DZANK1: variants seen among roughly 807,000 people sequenced by gnomAD.
The protein encoded by DZANK1 is double zinc ribbon and ankyrin repeat-containing protein 1.
DZANK1 carries 91 observed loss-of-function variants against 94.5 expected under a neutral mutation model. The ratio of observed to expected loss-of-function variants is 0.96; its 90% confidence interval spans 0.81 to 1.15. DZANK1 has a LOEUF of 1.15. Among genes scored for constraint, DZANK1 ranks in the 50% most tolerant of loss-of-function variants. DZANK1 has a pLI of 0.00. For missense variants in DZANK1, 903 were observed against 916.4 expected, an observed-to-expected ratio of 0.99 and a Z score of 0.19; for synonymous variants, 312 against 325.3, an observed-to-expected ratio of 0.96 and a Z score of 0.44.
intron 7 of DZANK1, among the ~76,000 whole-genome samples, chr20:18,446,374 A>C (rs1469562859): frequency 6.6e-6 from 1 of 152,234 alleles, no homozygotes; most frequent in African/African-American, 2.4e-5. Context: ...TGGAAATATA[A>C]TAAAACACTT....
At chr20:18,387,388 C>A (rs2048568443) in intron 19 of DZANK1, among the ~76,000 whole-genome samples, 1 of 152,196 alleles carries the variant, frequency 6.6e-6, no homozygotes, top group Non-Finnish European at 1.5e-5. Flanking sequence ...TATTCATATA[C>A]AAACAATTCA....
chr20:18,394,434 C>T (rs768497490), intron 15 of DZANK1, 84 bp from the exon 16 acceptor site: 18 of 1,317,378 alleles, frequency 1.4e-5, no homozygotes, highest in Non-Finnish European at 1.8e-5. Flanking sequence ...CTAACCTGCT[C>T]CTCCTTATTA....
chr20:18,461,515 T>G (rs151244189), intron 2 of DZANK1, among the ~76,000 whole-genome samples: 1 of 152,136 alleles, frequency 6.6e-6, no homozygotes, highest in Admixed American at 6.6e-5. Flanking sequence ...AATAATTTTG[T>G]AAAGAATTAT....
intron 13 of DZANK1, 26 bp downstream of exon 13, chr20:18,412,620 A>G (rs1295321740): frequency 1.2e-6 from 2 of 1,605,760 alleles, no homozygotes; most frequent in Admixed American, 3.3e-5. Context: ...CCTCCCGACC[A>G]GAAGAAAGGG....
chr20:18,417,357 AG>A, intron 10 of DZANK1, among the ~76,000 whole-genome samples: 1 of 152,366 alleles, frequency 6.6e-6, no homozygotes, highest in South Asian at 2.1e-4. Context: ...GCCTGAGGAA[AG>A]GATGTCTGAG....
At chr20:18,405,291 C>T (rs1001904168) in intron 13 of DZANK1, among the ~76,000 whole-genome samples, 3 of 151,792 alleles carry the variant, frequency 2.0e-5, no homozygotes, top group African/African-American at 7.3e-5. Context: ...GAATATGTAG[C>T]AGAAAAGTAC....
chr20:18,399,852 T>G (rs1164578999), intron 13 of DZANK1, among the ~76,000 whole-genome samples: 1 of 152,158 alleles, frequency 6.6e-6, no homozygotes, highest in Admixed American at 6.5e-5. Flanking sequence ...GCCCCTGCTG[T>G]GCCCTGTGGC....
chr20:18,451,881 T>C (rs2059114069), intron 6 of DZANK1: 1 of 518,470 alleles, frequency 1.9e-6, no homozygotes, highest in Non-Finnish European at 3.8e-6. Context: ...TAAATAATGT[T>C]CTCCCTTTCC....
intron 2 of DZANK1, among the ~76,000 whole-genome samples, chr20:18,460,601 C>T (rs1480276820): frequency 2.6e-5 from 4 of 151,984 alleles, no homozygotes; most frequent in Admixed American, 6.6e-5. Context: ...TGGTGGCAGG[C>T]GCCTGTAGTC....
chr20:18,463,690 C>T (rs2059549611), intron 2 of DZANK1, among the ~76,000 whole-genome samples: 1 of 152,136 alleles, frequency 6.6e-6, no homozygotes, highest in Admixed American at 6.5e-5. Context: ...ATTATGGGCA[C>T]ATACATTAAA....
At chr20:18,461,093 A>T (rs1209057795) in intron 2 of DZANK1, among the ~76,000 whole-genome samples, 1 of 152,212 alleles carries the variant, frequency 6.6e-6, no homozygotes, top group Non-Finnish European at 1.5e-5. Flanking sequence ...CAAGATTCAA[A>T]AGGTCAAAAA....
intron 19 of DZANK1, 37 bp downstream of exon 19, chr20:18,389,664 T>C: frequency 6.2e-7 from 1 of 1,611,528 alleles, no homozygotes; most frequent in South Asian, 1.1e-5. Context: ...GTCAGCCTGC[T>C]GCTACCTTAG....
chr20:18,444,349 T>C (rs184789733), intron 7 of DZANK1, among the ~76,000 whole-genome samples: 77 of 152,352 alleles, frequency 5.1e-4, no homozygotes, highest in Admixed American at 3.5e-3. Flanking sequence ...TTAAAGCTCA[T>C]GAAGTGTAAT....
intron 5 of DZANK1, 59 bp downstream of exon 5, chr20:18,453,672 A>G: frequency 8.3e-7 from 1 of 1,211,924 alleles, no homozygotes; most frequent in East Asian, 2.3e-5. Flanking sequence ...CGAACATGCC[A>G]TGAACCTCTT....
intron 10 of DZANK1, among the ~76,000 whole-genome samples, chr20:18,417,957 A>T: frequency 6.6e-6 from 1 of 152,030 alleles, no homozygotes; most frequent in Non-Finnish European, 1.5e-5. Context: ...GTGGTGGCAC[A>T]TGCTTGTAAT....
intron 7 of DZANK1, among the ~76,000 whole-genome samples, chr20:18,444,827 G>A (rs1310986012): frequency 6.6e-6 from 1 of 152,092 alleles, no homozygotes; most frequent in African/African-American, 2.4e-5. Flanking sequence ...TAGAGACGGA[G>A]TCTTGCTCTG....
intron 8 of DZANK1, among the ~76,000 whole-genome samples, chr20:18,439,163 A>G (rs2058639225): frequency 6.6e-6 from 1 of 152,182 alleles, no homozygotes; most frequent in Admixed American, 6.5e-5. Flanking sequence ...AAGAATTAGC[A>G]TGAATTTAGA....
intron 10 of DZANK1, among the ~76,000 whole-genome samples, chr20:18,422,150 A>T (rs751643490): frequency 6.6e-6 from 1 of 152,152 alleles, no homozygotes; most frequent in Non-Finnish European, 1.5e-5. Flanking sequence ...GACTAATGTC[A>T]TAAGCTTTTT....
intron 1 of DZANK1, among the ~76,000 whole-genome samples, chr20:18,466,328 CT>C (rs2059651551): frequency 1.3e-5 from 2 of 152,182 alleles, no homozygotes; most frequent in Admixed American, 6.5e-5. Context: ...TTTCTAGTTT[CT>C]TTTTAGTTTT....
Sources: gnomAD v4.1 joint callset for allele counts (sites outside exome capture counted in the v4.1 genomes callset) on GRCh38, gnomAD v4.1.1 for gene constraint, MANE v1.5 for transcripts, NCBI Gene and HGNC (gene_info 2026-07-23, HGNC 2026-07-21) for gene names.